Variants in MLXIP observed in about 807,000 individuals in gnomAD.
The protein encoded by MLXIP is MLX-interacting protein.
A neutral mutation model predicts 87.2 loss-of-function variants in MLXIP; 30 were observed. The ratio of observed to expected loss-of-function variants is 0.34; its 90% CI spans 0.26 to 0.47. MLXIP has a LOEUF of 0.47. MLXIP is among the 20% of genes least tolerant of loss of function. The pLI is 1.00. For synonymous variants in MLXIP, 530 were observed against 514.0 expected (o/e 1.03, Z -0.42); for missense variants, 1,002 against 1,240.1 (o/e 0.81, Z 2.88).
rs1953140505 is a variant in MLXIP at position 122,138,696 on chromosome 12, G to GA, written c.2385-118dup. 2.0e-6 allele frequency: 3 copies of GA among 1,501,800 alleles called. No individual in the cohort carries two copies. The African/African-American group carries it at 4.2e-5, about 21-fold the overall frequency. 93.0% of individuals were successfully genotyped at this position (1,501,800 alleles called of 1,614,324 possible). On this transcript the variant is annotated intron_variant, in intron 14 of 16. Coordinates refer to ENST00000319080, the MANE Select transcript of MLXIP (RefSeq NM_014938.6). Reference sequence around the variant, plus strand: ...TGCTCTTTGTCAACCTCCTTCCACAGACCTCTCTTCTCTGTGCCTGGCTGT... The same window carrying GA: ...TGCTCTTTGTCAACCTCCTTCCACAGAACCTCTCTTCTCTGTGCCTGGCTGT...
chr12:122,121,010 G>GTCTTTT (rs1952771711), intron 1 of MLXIP, among the ~76,000 whole-genome samples: 1 of 111,910 alleles, frequency 8.9e-6, no homozygotes, highest in East Asian at 3.2e-4. Flanking sequence ...TGCATGCTTG[G>GTCTTTT]TTTTTTTTTT....
chr12:122,085,238 G>A (rs1378718971), intron 1 of MLXIP, among the ~76,000 whole-genome samples: 1 of 151,836 alleles, frequency 6.6e-6, no homozygotes, highest in African/African-American at 2.4e-5. Context: ...GATGTCATTC[G>A]GCCTGTGTCA....
rs1953013207 is a variant in MLXIP at position 122,133,306 on chromosome 12, T to C, written c.1093-42T>C. On this transcript the variant is annotated intron_variant, in intron 8 of 16. Coordinates refer to ENST00000319080, the MANE Select transcript of MLXIP (RefSeq NM_014938.6). The surrounding 1 kb of genome is among the most constrained non-coding windows in gnomAD (Gnocchi z 4.9). ...TGTGCAGCGCTAGAAAGGAATTGTC[T>C]GACCCCAGCATTGCTTCCTGGCTCC... 1 of 1,520,500 alleles carries C rather than the reference T, an allele frequency of 6.6e-7. No homozygotes were observed. Among genetic ancestry groups the C allele is most frequent in the East Asian group, 2.3e-5 (1 of 44,054 alleles). 94.2% of individuals were successfully genotyped at this position (1,520,500 alleles called of 1,614,324 possible).
intron 1 of MLXIP, among the ~76,000 whole-genome samples, chr12:122,106,838 G>C (rs1315556578): frequency 6.6e-6 from 1 of 152,072 alleles, no homozygotes; most frequent in Non-Finnish European, 1.5e-5. Context: ...CTGACCTCAG[G>C]TGATACACCC....
intron 1 of MLXIP, among the ~76,000 whole-genome samples, chr12:122,102,766 T>C (rs1952455380): frequency 6.6e-6 from 1 of 152,234 alleles, no homozygotes; most frequent in Non-Finnish European, 1.5e-5. Flanking sequence ...ACAACATGGA[T>C]GAGCCTTGAA....
chr12:122,127,390 T>G (rs751484206), intron 2 of MLXIP, 28 bp downstream of exon 2: 1 of 1,545,822 alleles, frequency 6.5e-7, no homozygotes, highest in African/African-American at 1.4e-5. Context: ...TGGGCGCCGG[T>G]GGTGGTCAGA....
At chr12:122,114,760 G>GA (rs1171944821) in intron 1 of MLXIP, among the ~76,000 whole-genome samples, 18 of 99,726 alleles carry the variant, frequency 1.8e-4, no homozygotes, top group Non-Finnish European at 3.4e-4. Flanking sequence ...TTTTTTGGTG[G>GA]GGGGGGACAG....
At position 122,137,494 on chromosome 12, in the gene MLXIP, G is replaced by C; in HGVS notation, c.2058G>C (p.Gln686His). 1 of 1,613,990 alleles carries C rather than the reference G, an allele frequency of 6.2e-7. No individual in the cohort carries two copies. The highest frequency in any genetic ancestry group is 8.5e-7 in the Non-Finnish European group (1 of 1,179,864). The change falls in exon 12 of 17, where the codon CAG (glutamine) becomes CAC (histidine). Residue 686 changes from glutamine (Q) to histidine (H), a missense_variant. Gln to His is a conservative substitution (Grantham distance 24, BLOSUM62 0). This residue lies in a region of MLXIP where 746 missense variants were observed against 897.0 expected (regional missense o/e 0.83). Coordinates refer to ENST00000319080, the MANE Select transcript of MLXIP (RefSeq NM_014938.6). The surrounding 1 kb of genome is among the most constrained non-coding windows in gnomAD (Gnocchi z 4.1). ...GPSRDCPNSG[Q>H]ASPCASEQSP... ...GTCGGGACTGCCCAAACTCAGGGCA[G>C]GCCTCTCCGTGTGCATCGGAGCAGA...
At chr12:122,100,968 A>G (rs1230928440) in intron 1 of MLXIP, among the ~76,000 whole-genome samples, 2 of 152,214 alleles carry the variant, frequency 1.3e-5, no homozygotes, top group African/African-American at 4.8e-5. Flanking sequence ...CACCAGATTA[A>G]CTTGTATGTG....
chr12:122,131,055 A>AT (rs921472680), intron 7 of MLXIP, 122 bp downstream of exon 7: 130 of 662,260 alleles, frequency 2.0e-4, no homozygotes, highest in South Asian at 5.0e-4. Context: ...CGAGCAAAGA[A>AT]TTTTTTTTTA....
In MLXIP at chr12:122,085,895, C is replaced by T. The variant is rs139812157; in HGVS notation, c.413+6629C>T. ...ACTGTGCTAGGTCATATGGCAAAGG[C>T]GAATTAAGGTTACAGATGGAATCAA... On this transcript the variant is annotated intron_variant, in intron 1 of 16. Coordinates refer to ENST00000319080, the MANE Select transcript of MLXIP (RefSeq NM_014938.6). Among the ~76,000 whole-genome samples the T allele has an allele frequency of 5.1e-3, 780 of 152,112 alleles. 6 individuals are homozygous for T. Among genetic ancestry groups the T allele is most frequent in the African/African-American group, 0.017 (701 of 41,470 alleles).
At chr12:122,120,815 C>T (rs1952767190) in intron 1 of MLXIP, among the ~76,000 whole-genome samples, 1 of 151,942 alleles carries the variant, frequency 6.6e-6, no homozygotes, top group Non-Finnish European at 1.5e-5. Flanking sequence ...TGTGAGATGC[C>T]CCACTCTACC....
intron 1 of MLXIP, among the ~76,000 whole-genome samples, chr12:122,091,773 G>C (rs1003016999): frequency 6.6e-6 from 1 of 152,208 alleles, no homozygotes. Flanking sequence ...GTAGGGAGTA[G>C]TGGAGACTGT....
intron 1 of MLXIP, among the ~76,000 whole-genome samples, chr12:122,089,907 G>A (rs1489945382): frequency 6.6e-6 from 1 of 152,156 alleles, no homozygotes; most frequent in Admixed American, 6.5e-5. Context: ...TGAGAAGAAG[G>A]AAATGGCTGT....
intron 1 of MLXIP, among the ~76,000 whole-genome samples, chr12:122,093,360 GTGGTGTGTGT>G (rs1425021855): frequency 4.7e-5 from 7 of 148,764 alleles, no homozygotes; most frequent in Non-Finnish European, 8.9e-5. Flanking sequence ...GTGTTGGTGT[GTGGTGTGTGT>G]TGGTGTGTGT....
chr12:122,114,276 G>A (rs1371740306), intron 1 of MLXIP, among the ~76,000 whole-genome samples: 4 of 152,160 alleles, frequency 2.6e-5, no homozygotes, highest in Non-Finnish European at 5.9e-5. Context: ...GTGAGCCACT[G>A]CGCCTGGCTG....
At chr12:122,092,985 T>A (rs1952269915) in intron 1 of MLXIP, among the ~76,000 whole-genome samples, 1 of 146,928 alleles carries the variant, frequency 6.8e-6, no homozygotes, top group Non-Finnish European at 1.5e-5. Context: ...TATGTATGTG[T>A]TGTGTGTGTT....
At chr12:122,101,309 C>T (rs1952432054) in intron 1 of MLXIP, among the ~76,000 whole-genome samples, 1 of 151,874 alleles carries the variant, frequency 6.6e-6, no homozygotes, top group South Asian at 2.1e-4. Flanking sequence ...CTTAGAGTTA[C>T]ACCCTGTTGT....
At position 122,079,230 on chromosome 12, in the gene MLXIP, T is replaced by A; in HGVS notation, c.377T>A (p.Leu126His). ...TGCCACCTGTCCATCGACGCCTCGC[T>A]CACCAAGCTCTTCGAGTGCATGACT... ...SSCHLSIDAS[L>H]TKLFECMTLA... The change falls in exon 1 of 17, where the codon CTC (leucine) becomes CAC (histidine). Residue 126 changes from leucine to histidine, a missense_variant. Leu to His is a moderately conservative substitution (Grantham distance 99). Coordinates refer to ENST00000319080, the MANE Select transcript of MLXIP (RefSeq NM_014938.6). 6.4e-7 allele frequency: 1 copy of A among 1,551,054 alleles called. No individual in the cohort carries two copies. The highest frequency in any genetic ancestry group is 8.7e-7 in the Non-Finnish European group (1 of 1,146,758).
Sources: gnomAD v4.1 joint callset for allele counts (sites outside exome capture counted in the v4.1 genomes callset) on GRCh38, gnomAD v4.1.1 for gene constraint, gnomAD v4.1.1 regional missense constraint, Gnocchi (gnomAD v3.1) non-coding constraint, MANE v1.5 for transcripts, NCBI Gene and HGNC (gene_info 2026-07-23, HGNC 2026-07-21) for gene names.